The following NHSL1 variants were observed in gnomAD, a reference collection of about 807,000 sequenced individuals.
The protein encoded by NHSL1 is NHS-like protein 1.
A neutral mutation model predicts 95.0 loss-of-function variants in NHSL1; 48 were observed. The observed-to-expected ratio is 0.51, with a 90% confidence interval of 0.40 to 0.64. The LOEUF is 0.64. Ranked by LOEUF, NHSL1 falls within the 30% of genes least tolerant of loss-of-function variation. The pLI is 0.00. For synonymous variants in NHSL1, 783 were observed against 833.9 expected (o/e 0.94, Z 1.05); for missense variants, 1,971 against 2,077.7 (o/e 0.95, Z 1.00).
intron 5 of NHSL1, among the ~76,000 whole-genome samples, chr6:138,434,315 T>A (rs949216693): frequency 1.3e-5 from 2 of 151,980 alleles, no homozygotes; most frequent in African/African-American, 4.8e-5. Context: ...TGTGTTCTAG[T>A]TGGGGAAACT....
At chr6:138,584,595 A>C (rs1160353475) in intron 1 of NHSL1, among the ~76,000 whole-genome samples, 1 of 152,230 alleles carries the variant, frequency 6.6e-6, no homozygotes, top group Non-Finnish European at 1.5e-5. Flanking sequence ...AGAAATGTAG[A>C]GAACAAAAGG....
At chr6:138,536,823 C>T (rs1782373116) in intron 1 of NHSL1, among the ~76,000 whole-genome samples, 1 of 152,074 alleles carries the variant, frequency 6.6e-6, no homozygotes, top group African/African-American at 2.4e-5. Context: ...GAGTATGCTA[C>T]TTGTTTTAAA....
intron 1 of NHSL1, among the ~76,000 whole-genome samples, chr6:138,555,619 T>A (rs1783168706): frequency 6.6e-6 from 1 of 152,202 alleles, no homozygotes; most frequent in Non-Finnish European, 1.5e-5. Context: ...GGAATAAAAG[T>A]GACATGAGAA....
chr6:138,678,603 A>T (rs1382962303), intron 1 of NHSL1, among the ~76,000 whole-genome samples: 1 of 152,250 alleles, frequency 6.6e-6, no homozygotes, highest in Non-Finnish European at 1.5e-5. Context: ...TGAAGTATTT[A>T]AACACATTAC....
chr6:138,610,563 T>C (rs1053498152), intron 1 of NHSL1, among the ~76,000 whole-genome samples: 4 of 146,510 alleles, frequency 2.7e-5, no homozygotes, highest in Admixed American at 6.8e-5. Flanking sequence ...ATATATATTA[T>C]ATATATATAT....
intron 1 of NHSL1, among the ~76,000 whole-genome samples, chr6:138,684,648 A>AAAAC (rs1010510891): frequency 7.2e-5 from 11 of 151,918 alleles, no homozygotes; most frequent in Admixed American, 1.3e-4. Flanking sequence ...CCGTCTCAGA[A>AAAAC]AAACAAACAA....
intron 1 of NHSL1, among the ~76,000 whole-genome samples, chr6:138,562,122 T>C (rs1382667689): frequency 1.3e-5 from 2 of 152,154 alleles, no homozygotes; most frequent in East Asian, 1.9e-4. Flanking sequence ...CACACACATT[T>C]GTGTATATGA....
At chr6:138,618,948 G>A (rs2114621267) in intron 1 of NHSL1, among the ~76,000 whole-genome samples, 1 of 152,318 alleles carries the variant, frequency 6.6e-6, no homozygotes, top group South Asian at 2.1e-4. Flanking sequence ...GGCCTTGGGT[G>A]TCACTCTACC....
chr6:138,587,076 G>A (rs368996720), intron 1 of NHSL1, among the ~76,000 whole-genome samples: 2 of 151,854 alleles, frequency 1.3e-5, no homozygotes, highest in African/African-American at 4.8e-5. Context: ...AGGTTCAAGC[G>A]ATTCTCCTGT....
upstream of NHSL1, chr6:138,499,604 C>T (rs1402398117): frequency 1.9e-5 from 5 of 268,138 alleles, no homozygotes; most frequent in African/African-American, 8.7e-5. Flanking sequence ...ACAGCCACAT[C>T]AGGCTTTCTG....
intron 3 of NHSL1, among the ~76,000 whole-genome samples, chr6:138,462,341 T>C (rs1308879216): frequency 6.6e-6 from 1 of 152,154 alleles, no homozygotes; most frequent in Non-Finnish European, 1.5e-5. Flanking sequence ...GAGGGGCTCC[T>C]GGCTTTATAA....
chr6:138,518,462 C>T lies in NHSL1; in HGVS notation c.17-22091G>A, dbSNP rs565882915. Among the ~76,000 whole-genome samples the T allele has an allele frequency of 3.9e-4, 54 of 138,366 alleles. No homozygotes were observed. The Middle Eastern group carries it at 0.015, about 38-fold the overall frequency. 90.8% of individuals were successfully genotyped at this position (138,366 alleles called of 152,430 possible). On this transcript the variant is annotated intron_variant, in intron 1 of 4. Transcript: ENST00000342260. The stretch of plus-strand genomic sequence containing the variant: ...AAAAATAATAGAAGTGAGGGTAGAA[C>T]GTCCACAGGAATGATTTTTTTTTTT...
intron 7 of NHSL1, among the ~76,000 whole-genome samples, chr6:138,428,825 A>G: frequency 6.6e-6 from 1 of 152,230 alleles, no homozygotes; most frequent in East Asian, 1.9e-4. Flanking sequence ...TCAGGGCAAA[A>G]TAAGGCCTTG....
chr6:138,611,564 G>A (rs2114598313), intron 1 of NHSL1, among the ~76,000 whole-genome samples: 1 of 152,014 alleles, frequency 6.6e-6, no homozygotes, highest in Non-Finnish European at 1.5e-5. Context: ...GGCTAACACA[G>A]TGAAACTCTG....
At position 138,433,567 on chromosome 6, in the gene NHSL1, T is replaced by C. The variant is rs987855209; in HGVS notation, c.778A>G (p.Arg260Gly). Residue 260 changes from arginine to glycine, a missense_variant, in exon 6 of 8, where the codon AGG (arginine) becomes GGG (glycine). Arg to Gly is a moderately radical substitution (Grantham distance 125). Transcript: ENST00000343505. ...TCCTCCGTCTGACAGCTGGAGTCCC[T>C]GGTTTCTGAGCGCTGCCCAGCAGAC... Reference protein sequence around the residue: ...CRSAGQRSETRDSSCQTEDVK... With the variant: ...CRSAGQRSETGDSSCQTEDVK... The C allele has an allele frequency of 6.4e-7, 1 of 1,552,018 alleles. No individual in the cohort carries two copies. Among genetic ancestry groups the C allele is most frequent in the African/African-American group, 1.4e-5 (1 of 73,150 alleles).
intron 1 of NHSL1, among the ~76,000 whole-genome samples, chr6:138,670,535 G>A (rs1474277046): frequency 2.0e-5 from 3 of 148,968 alleles, no homozygotes; most frequent in Admixed American, 2.0e-4. Flanking sequence ...GCGTAGTGGC[G>A]GGCGCCTGTA....
chr6:138,540,205 T>C (rs1271899012), intron 1 of NHSL1, among the ~76,000 whole-genome samples: 1 of 152,242 alleles, frequency 6.6e-6, no homozygotes, highest in Non-Finnish European at 1.5e-5. Context: ...CCAGGAAGAA[T>C]TGTAGAACAA....
intron 1 of NHSL1, chr6:138,650,477 G>A: frequency 1.1e-6 from 1 of 900,746 alleles, no homozygotes; most frequent in Non-Finnish European, 1.8e-6. Flanking sequence ...CCAGGGCCTG[G>A]TGGAGGCTGT....
In NHSL1 at chr6:138,478,012, C is replaced by CTT. The variant is rs71009589; in HGVS notation, c.212-4581_212-4580dup. ...TTTTTTCACCATGAAATTTATGTCA[C>CTT]TTTTTTTTTTTTTTTTTTTTTTTTT... is the stretch of plus-strand genomic sequence containing the variant. On this transcript the variant is annotated intron_variant, in intron 2 of 7. Transcript: ENST00000343505. Among the ~76,000 whole-genome samples, 466 of 30,018 alleles carry CTT rather than the reference C, an allele frequency of 0.016. 71 individuals are homozygous for CTT. In the East Asian group the frequency reaches 0.17, roughly 11 times the overall value. The allele number at this position is 30,018 out of a possible 152,430, so 19.7% of individuals were successfully genotyped here. A position where few individuals can be genotyped will look rare whatever the true frequency, so the allele number is the denominator to read the frequency against.
Sources: gnomAD v4.1 joint callset for allele counts (sites outside exome capture counted in the v4.1 genomes callset) on GRCh38, gnomAD v4.1.1 for gene constraint, MANE v1.5 for transcripts, NCBI Gene and HGNC (gene_info 2026-07-23, HGNC 2026-07-21) for gene names.